Variants in CLMN observed in about 807,000 individuals in gnomAD.
The protein encoded by CLMN is calmin (calponin-like, transmembrane).
Under a neutral mutation model 92.7 loss-of-function variants are expected in CLMN, and 57 were observed. The ratio of observed to expected loss-of-function variants is 0.61; its 90% CI spans 0.50 to 0.77. The LOEUF (loss-of-function observed/expected upper bound fraction) is 0.77. Ranked by LOEUF, CLMN falls within the 30% of genes least tolerant of loss-of-function variation. The probability of loss-of-function intolerance (pLI) is 0.00; values close to 1 mark genes in which losing one functional copy is unlikely to be tolerated. For missense variants in CLMN, 1,158 were observed against 1,237.5 expected, an observed-to-expected ratio of 0.94 and a Z score of 0.96; for synonymous variants, 466 against 470.6, an observed-to-expected ratio of 0.99 and a Z score of 0.13.
chr14:95,204,148 G>T lies in CLMN; in HGVS notation c.1201C>A (p.Pro401Thr), dbSNP rs143778247. The T allele has an allele frequency of 3.5e-5, 57 of 1,614,146 alleles. No homozygotes were observed. In the African/African-American group the frequency reaches 7.2e-4, roughly 20 times the overall value. ...GATAAAATGGAGGATTCTGGAGATGGCTCACTGATGTCGCTGGTCTTACCT... is the reference window on the plus strand; with the variant it reads ...GATAAAATGGAGGATTCTGGAGATGTCTCACTGATGTCGCTGGTCTTACCT... ...GPGKTSDISE[P>T]SPESSILSSR... The change falls in exon 9 of 13, where the codon CCA becomes ACA. Residue 401 changes from proline to threonine, a missense_variant. Physicochemically the swap from Pro to Thr is conservative, Grantham distance 38. Coordinates refer to ENST00000298912, the MANE Select transcript of CLMN (RefSeq NM_024734.4).
rs1305963118 is a variant in CLMN, at chr14:95,202,766, C to CT, written c.2511+71dup. The CT allele has an allele frequency of 1.5e-5, 21 of 1,436,918 alleles. No homozygotes were observed. The Admixed American group carries it at 2.4e-4, about 16-fold the overall frequency. 89.0% of individuals were successfully genotyped at this position (1,436,918 alleles called of 1,614,324 possible). The stretch of plus-strand genomic sequence containing the variant: ...CATCGCTATTTTATGGAGCAAGAAG[C>CT]TGAGCTTCAGACAAAGAACTATCAA... On this transcript the variant is annotated intron_variant, in intron 9 of 12. Coordinates refer to ENST00000298912, the MANE Select transcript of CLMN (RefSeq NM_024734.4).
intron 1 of CLMN, among the ~76,000 whole-genome samples, chr14:95,302,214 C>T (rs1452308056): frequency 6.6e-6 from 1 of 152,028 alleles, no homozygotes; most frequent in Non-Finnish European, 1.5e-5. Context: ...GCAGGAGAAT[C>T]GCTTGAACCC....
intron 1 of CLMN, among the ~76,000 whole-genome samples, chr14:95,317,645 A>G (rs1310598396): frequency 6.6e-6 from 1 of 151,672 alleles, no homozygotes; most frequent in Non-Finnish European, 1.5e-5. Flanking sequence ...ATCCAGTTGT[A>G]TATCAGGTTC....
At chr14:95,285,730 T>C (rs1421785336) in intron 1 of CLMN, among the ~76,000 whole-genome samples, 3 of 152,172 alleles carry the variant, frequency 2.0e-5, no homozygotes, top group African/African-American at 7.2e-5. Context: ...GGCTAAGATA[T>C]ATGCTCCAGG....
chr14:95,311,887 T>C (rs1901557094), intron 1 of CLMN, among the ~76,000 whole-genome samples: 1 of 151,916 alleles, frequency 6.6e-6, no homozygotes. Context: ...CCACATTCTC[T>C]GGCCTCCTGG....
chr14:95,270,079 G>A (rs1197316346), intron 1 of CLMN, among the ~76,000 whole-genome samples: 2 of 152,192 alleles, frequency 1.3e-5, no homozygotes, highest in African/African-American at 4.8e-5. Flanking sequence ...GGGTCAGACA[G>A]CCAGGGAGGG....
chr14:95,191,539 C>CT lies in CLMN; in HGVS notation c.*24dup. On this transcript the variant is annotated 3_prime_UTR_variant, in exon 13 of 13. Coordinates refer to ENST00000298912, the MANE Select transcript of CLMN (RefSeq NM_024734.4). This position sits in a 1 kb window ranked among gnomAD's most constrained non-coding sequence, Gnocchi z 5.3. ...ACCCCGCCCCTGGTCAGGGTCCTGTCTTTTTTATTATCCAGACACACGTAT... is the reference window on the plus strand; with the variant it reads ...ACCCCGCCCCTGGTCAGGGTCCTGTCTTTTTTTATTATCCAGACACACGTAT... 1 of 1,593,870 alleles carries CT rather than the reference C, an allele frequency of 6.3e-7. No homozygotes were observed. Among genetic ancestry groups the CT allele is most frequent in the Non-Finnish European group, 8.5e-7 (1 of 1,170,404 alleles).
intron 1 of CLMN, among the ~76,000 whole-genome samples, chr14:95,290,840 T>C (rs978905494): frequency 3.3e-5 from 5 of 152,280 alleles, no homozygotes; most frequent in Non-Finnish European, 7.4e-5. Flanking sequence ...CCCACCCTAG[T>C]GCTGTGGTAT....
intron 1 of CLMN, among the ~76,000 whole-genome samples, chr14:95,286,578 C>T (rs180883910): frequency 6.6e-6 from 1 of 152,236 alleles, no homozygotes; most frequent in East Asian, 1.9e-4. Context: ...TCTGAATGTA[C>T]TAAATCTTAC....
Position 95,207,355 on chromosome 14 carries a change from A to G in CLMN, c.885+2040T>C, listed in dbSNP as rs534502031. ...GGCTGGTCTTTAACTCCTGGGCTCA[A>G]GCAATCCTCCTGCTTCAGCCTCCCA... On this transcript the variant is annotated intron_variant, in intron 8 of 12. Coordinates refer to ENST00000298912, the MANE Select transcript of CLMN (RefSeq NM_024734.4). 3.3e-5 allele frequency among the ~76,000 whole-genome samples: 5 copies of G among 152,308 alleles called. No individual in the cohort carries two copies. The South Asian group carries it at 1.0e-3, about 32-fold the overall frequency.
At chr14:95,206,993 T>G (rs979857333) in intron 8 of CLMN, among the ~76,000 whole-genome samples, 2 of 152,128 alleles carry the variant, frequency 1.3e-5, no homozygotes, top group Non-Finnish European at 1.5e-5. Context: ...ATTTGTTATG[T>G]TACACTTCTG....
intron 1 of CLMN, among the ~76,000 whole-genome samples, chr14:95,232,535 G>A (rs984786553): frequency 1.6e-4 from 25 of 152,188 alleles, no homozygotes; most frequent in African/African-American, 5.8e-4. Context: ...CAGTAATTAC[G>A]TACATCACTG....
chr14:95,229,992 G>T, intron 2 of CLMN, 80 bp downstream of exon 2: 1 of 1,334,836 alleles, frequency 7.5e-7, no homozygotes. Context: ...CAGGTCACCA[G>T]CTCCCCCTCC....
intron 1 of CLMN, among the ~76,000 whole-genome samples, chr14:95,264,429 G>A (rs930093788): frequency 2.6e-5 from 4 of 152,084 alleles, no homozygotes; most frequent in Non-Finnish European, 5.9e-5. Flanking sequence ...TACAACCCTG[G>A]GTTAGTCCCG....
rs191098736 is a variant in CLMN at position 95,196,617 on chromosome 14, T to C, written c.2589A>G (p.Lys863=). The C allele has an allele frequency of 9.9e-6, 16 of 1,614,218 alleles. No homozygotes were observed. The African/African-American group carries it at 2.0e-4, about 20-fold the overall frequency. The stretch of plus-strand genomic sequence containing the variant: ...CCACATGTTTCCTTTTTTCCTTTTT[T>C]TTACTACTGATTGATTCTTTCGTTA... ...ENVTKESISS[K]KKEKRKHVDH... Residue 863 remains lysine, a synonymous_variant, in exon 10 of 13, where the codon AAA becomes AAG. Transcript: ENST00000298912.
intron 9 of CLMN, among the ~76,000 whole-genome samples, chr14:95,199,514 T>G (rs1896816797): frequency 6.6e-6 from 1 of 152,168 alleles, no homozygotes; most frequent in South Asian, 2.1e-4. Context: ...ATTTGCTGTA[T>G]GCCCCCGAAA....
intron 1 of CLMN, among the ~76,000 whole-genome samples, chr14:95,257,662 C>T (rs1899055146): frequency 6.6e-6 from 1 of 152,222 alleles, no homozygotes; most frequent in Admixed American, 6.5e-5. Context: ...CCTCTTTGCT[C>T]TCACACCCCA....
intron 1 of CLMN, among the ~76,000 whole-genome samples, chr14:95,280,926 T>G (rs918477318): frequency 6.6e-6 from 1 of 152,244 alleles, no homozygotes; most frequent in African/African-American, 2.4e-5. Flanking sequence ...GTGGCTGCCC[T>G]AAGACTTTTT....
rs1362856349 is a variant in CLMN at position 95,191,302 on chromosome 14, AC to A, written c.*261del. ...CTCCCTATCCAACCCAGCAAGGCAC[AC>A]AAGGACAAAACCCCACCTACGGATC... On this transcript the variant is annotated 3_prime_UTR_variant, in exon 13 of 13. Coordinates refer to ENST00000298912, the MANE Select transcript of CLMN (RefSeq NM_024734.4). This position sits in a 1 kb window ranked among gnomAD's most constrained non-coding sequence, Gnocchi z 5.3. 1 of 309,172 alleles carries A rather than the reference AC, an allele frequency of 3.2e-6. No individual in the cohort carries two copies. The highest frequency in any genetic ancestry group is 5.9e-6 in the Non-Finnish European group (1 of 169,508). 19.2% of individuals were successfully genotyped at this position (309,172 alleles called of 1,614,324 possible). A position where few individuals can be genotyped will look rare whatever the true frequency, so the allele number is the denominator to read the frequency against.
Sources: allele counts gnomAD v4.1 joint callset (sites outside exome capture counted in the v4.1 genomes callset), GRCh38; gene constraint gnomAD v4.1.1; non-coding constraint Gnocchi (gnomAD v3.1); transcripts MANE v1.5; gene names NCBI Gene and HGNC (gene_info 2026-07-23, HGNC 2026-07-21).